The following CNKSR2 variants were observed in gnomAD, a reference collection of about 807,000 sequenced individuals.
CNKSR2 encodes the protein connector enhancer of kinase suppressor of Ras 2.
Under a neutral mutation model 84.4 loss-of-function variants are expected in CNKSR2, and 14 were observed. That is an observed-to-expected ratio of 0.17 (90% CI 0.11 to 0.26). CNKSR2 has a LOEUF of 0.26. CNKSR2 is among the 10% of genes least tolerant of loss of function. The probability of loss-of-function intolerance (pLI) is 1.00; values close to 1 mark genes in which losing one functional copy is unlikely to be tolerated. For missense variants in CNKSR2, 485 were observed against 771.2 expected (o/e 0.63, Z 4.40); for synonymous variants, 275 against 277.9 (o/e 0.99, Z 0.10).
At chrX:21,512,206 G>A (rs2091679617) in intron 8 of CNKSR2, among the ~76,000 whole-genome samples, 1 of 111,705 alleles carries the variant, frequency 9.0e-6, no homozygotes, top group Non-Finnish European at 1.9e-5. Context: ...CTATTACAGA[G>A]GTTCTCAAAT....
At chrX:21,525,555 A>G (rs1046983639) in intron 9 of CNKSR2, among the ~76,000 whole-genome samples, 7 of 110,546 alleles carry the variant, frequency 6.3e-5, no homozygotes, top group Non-Finnish European at 7.6e-5. Context: ...TATGATTTCA[A>G]GCTATTAAGG....
intron 5 of CNKSR2, among the ~76,000 whole-genome samples, chrX:21,488,327 C>T (rs1195022099): frequency 1.8e-5 from 2 of 112,001 alleles, no homozygotes; most frequent in East Asian, 2.8e-4. Flanking sequence ...CTTTTTAATG[C>T]ATTATCATGT....
chrX:21,601,360 A>C lies in CNKSR2; in HGVS notation c.2044+11A>C. ...TTAAGCAGGAACAAGGTAAAGGAATACTTTTTTAAAATAATTATGTTATAC... is the reference window on the plus strand; with the variant it reads ...TTAAGCAGGAACAAGGTAAAGGAATCCTTTTTTAAAATAATTATGTTATAC... On this transcript the variant is annotated intron_variant, in intron 18 of 21. Transcript: ENST00000379510. The C allele has an allele frequency of 2.9e-6, 3 of 1,042,577 alleles. No individual in the cohort carries two copies. The highest frequency in any genetic ancestry group is 4.0e-6 in the Non-Finnish European group (3 of 757,051). 85.9% of individuals were successfully genotyped at this position (1,042,577 alleles called of 1,213,427 possible).
intron 13 of CNKSR2, among the ~76,000 whole-genome samples, chrX:21,567,628 G>T: frequency 9.0e-6 from 1 of 111,617 alleles, no homozygotes; most frequent in Middle Eastern, 4.7e-3. Context: ...TCATTACAAA[G>T]GTTCCAATAT....
intron 8 of CNKSR2, among the ~76,000 whole-genome samples, chrX:21,502,005 G>A (rs968534574): frequency 3.7e-5 from 4 of 108,296 alleles, no homozygotes; most frequent in African/African-American, 6.7e-5. Flanking sequence ...ATCTAACATT[G>A]ATTTGTTCAT....
chrX:21,581,822 A>G (rs2092355127), intron 13 of CNKSR2, among the ~76,000 whole-genome samples: 1 of 112,133 alleles, frequency 8.9e-6, no homozygotes, highest in South Asian at 3.7e-4. Flanking sequence ...GCCTTCATAG[A>G]ACTAATATAG....
In CNKSR2 at chrX:21,399,197, A is replaced by G. The variant is rs150043365; in HGVS notation, c.64+24236A>G. 9.4e-3 allele frequency among the ~76,000 whole-genome samples: 1,049 copies of G among 111,466 alleles called. 11 individuals are homozygous for G. The highest frequency in any genetic ancestry group is 0.031 in the African/African-American group (947 of 30,773). On this transcript the variant is annotated intron_variant, in intron 1 of 21. Transcript: ENST00000379510. Reference sequence around the variant, plus strand: ...GGAAGTACAGAAACTGCCCACCTCCATCCAGTCAAATAAATAACCTGAAAG... The same window carrying G: ...GGAAGTACAGAAACTGCCCACCTCCGTCCAGTCAAATAAATAACCTGAAAG...
intron 4 of CNKSR2, among the ~76,000 whole-genome samples, chrX:21,464,433 A>T (rs1051825244): frequency 1.8e-5 from 2 of 111,564 alleles, no homozygotes; most frequent in African/African-American, 6.5e-5. Context: ...GTGAGTACTC[A>T]CCTGATTTTT....
chrX:21,491,722 G>T (rs775553146), intron 6 of CNKSR2: 1 of 111,933 alleles, frequency 8.9e-6, no homozygotes, highest in African/African-American at 3.2e-5. Flanking sequence ...TATATCTAAT[G>T]TTGATTACAT....
At chrX:21,493,104 T>G (rs367940303) in intron 6 of CNKSR2, 1 of 112,438 alleles carries the variant, frequency 8.9e-6, no homozygotes, top group Non-Finnish European at 1.9e-5. Context: ...TTTATCAGCT[T>G]TCTAATTAGT....
chrX:21,624,424 A>G (rs1391368823), intron 20 of CNKSR2, among the ~76,000 whole-genome samples: 1 of 112,316 alleles, frequency 8.9e-6, no homozygotes, highest in Non-Finnish European at 1.9e-5. Context: ...CTACAAAATC[A>G]TAATTCCTGT....
intron 3 of CNKSR2, among the ~76,000 whole-genome samples, chrX:21,440,371 GA>G (rs1236382631): frequency 9.0e-6 from 1 of 111,389 alleles, no homozygotes; most frequent in African/African-American, 3.3e-5. Flanking sequence ...AAAATAAACT[GA>G]CATGTTATCT....
intron 7 of CNKSR2, 32 bp from the exon 8 acceptor site, chrX:21,501,488 G>A: frequency 1.0e-6 from 1 of 972,240 alleles, no homozygotes; most frequent in Non-Finnish European, 1.4e-6. Flanking sequence ...TAAAATTTAT[G>A]TTCTTTATCG....
At position 21,566,381 on chromosome X, in the gene CNKSR2, C is replaced by T. The variant is rs1162404128; in HGVS notation, c.1608+2929C>T. Among the ~76,000 whole-genome samples, 4 of 111,798 alleles carry T rather than the reference C, an allele frequency of 3.6e-5. No individual in the cohort carries two copies. The East Asian group carries it at 8.4e-4, about 23-fold the overall frequency. On this transcript the variant is annotated intron_variant, in intron 13 of 21. Coordinates refer to ENST00000379510, the MANE Select transcript of CNKSR2 (RefSeq NM_014927.5). ...CACAGGAATTTCTGTTTTATTTTTACCTGTTTATACATGCTTATTTAAAAA... is the reference window on the plus strand; with the variant it reads ...CACAGGAATTTCTGTTTTATTTTTATCTGTTTATACATGCTTATTTAAAAA...
At chrX:21,442,193 G>A (rs1354340275) in intron 4 of CNKSR2, among the ~76,000 whole-genome samples, 1 of 109,729 alleles carries the variant, frequency 9.1e-6, no homozygotes, top group Non-Finnish European at 1.9e-5. Context: ...GCCTTTTAAA[G>A]AGATTTCCGC....
At chrX:21,613,025 T>G (rs1289163247) in intron 20 of CNKSR2, among the ~76,000 whole-genome samples, 2 of 112,317 alleles carry the variant, frequency 1.8e-5, no homozygotes, top group Non-Finnish European at 3.8e-5. Flanking sequence ...ATTAATTGTC[T>G]TGACCTGCTT....
rs761049025 is a variant in CNKSR2 at position 21,504,165 on chromosome X, T to G, written c.810+2577T>G. 4.5e-5 allele frequency: 5 copies of G among 111,136 alleles called. No homozygotes were observed. The South Asian group carries it at 1.9e-3, about 42-fold the overall frequency. 9.2% of individuals were successfully genotyped at this position (111,136 alleles called of 1,213,427 possible). ...GTTGCCTGTATTGTGGTCTGTACAG[T>G]GCATTTAATCTCTTATTAGATAATA... On this transcript the variant is annotated intron_variant, in intron 8 of 21. Coordinates refer to ENST00000379510, the MANE Select transcript of CNKSR2 (RefSeq NM_014927.5).
intron 9 of CNKSR2, among the ~76,000 whole-genome samples, chrX:21,522,565 A>G (rs767191043): frequency 1.8e-5 from 2 of 110,945 alleles, no homozygotes; most frequent in East Asian, 5.7e-4. Context: ...CATCAAATGT[A>G]GTTTCTTAAG....
intron 11 of CNKSR2, among the ~76,000 whole-genome samples, chrX:21,545,681 A>T (rs1339242651): frequency 2.7e-5 from 3 of 112,050 alleles, no homozygotes; most frequent in African/African-American, 9.7e-5. Context: ...TCCAGCTGGC[A>T]TCTGGCAGGT....
Sources: gnomAD v4.1 joint callset for allele counts (sites outside exome capture counted in the v4.1 genomes callset) on GRCh38, gnomAD v4.1.1 for gene constraint, MANE v1.5 for transcripts, NCBI Gene and HGNC (gene_info 2026-07-23, HGNC 2026-07-21) for gene names.